The following PRKAG1 variants were observed in gnomAD, a reference collection of about 807,000 sequenced individuals.
The protein encoded by PRKAG1 is 5'-AMP-activated protein kinase subunit gamma-1.
PRKAG1 carries 27 observed loss-of-function variants against 48.2 expected under a neutral mutation model. The ratio of observed to expected loss-of-function variants is 0.56; its 90% CI spans 0.41 to 0.77. The LOEUF (loss-of-function observed/expected upper bound fraction) is 0.77. Ranked by LOEUF, PRKAG1 falls within the 30% of genes least tolerant of loss-of-function variation. The pLI is 0.00. For synonymous variants in PRKAG1, 130 were observed against 147.7 expected, an observed-to-expected ratio of 0.88 and a Z score of 0.87; for missense variants, 287 against 398.3, an observed-to-expected ratio of 0.72 and a Z score of 2.38.
At chr12:49,014,587 G>T (rs1941895630) in intron 1 of PRKAG1, among the ~76,000 whole-genome samples, 1 of 152,252 alleles carries the variant, frequency 6.6e-6, no homozygotes, top group South Asian at 2.1e-4. Context: ...CAACTGGGGA[G>T]GATCCCAGTA....
Position 49,007,974 on chromosome 12 carries a change from C to T in PRKAG1, c.59-2122G>A, listed in dbSNP as rs527510272. On this transcript the variant is annotated intron_variant, in intron 2 of 11. Transcript: ENST00000548065. ...TTCCAGGTTCAAGCGATTCTCCTGC[C>T]TCAGCCTCGCAAGTAGCTGGGGTTA... Among the ~76,000 whole-genome samples, 42 of 152,006 alleles carry T rather than the reference C, an allele frequency of 2.8e-4. No homozygotes were observed. In the Middle Eastern group the frequency reaches 0.01, roughly 37 times the overall value.
At chr12:49,014,912 T>C (rs1312509632) in intron 1 of PRKAG1, among the ~76,000 whole-genome samples, 1 of 152,250 alleles carries the variant, frequency 6.6e-6, no homozygotes, top group East Asian at 1.9e-4. Context: ...CCATTTTCTC[T>C]GGGTGATATC....
rs1452682535 is a variant in PRKAG1, at chr12:49,002,993, A to G, written c.902T>C (p.Val301Ala). 2 of 1,614,038 alleles carry G rather than the reference A, an allele frequency of 1.2e-6. No homozygotes were observed. The highest frequency in any genetic ancestry group is 1.1e-5 in the South Asian group (1 of 91,090). Residue 301 changes from valine to alanine, a missense_variant, in exon 12 of 12, where the codon GTA becomes GCA. Val to Ala is a moderately conservative substitution (Grantham distance 64). Coordinates refer to ENST00000548065, the MANE Select transcript of PRKAG1 (RefSeq NM_002733.5). ...GACCACATCATTTTCATCCACCACT[A>G]CAAGTCGGTGAACCTGGCACAGAGC... The part of the protein sequence containing the change: ...RLVEAEVHRL[V>A]VVDENDVVKG...
intron 2 of PRKAG1, among the ~76,000 whole-genome samples, chr12:49,007,191 G>T (rs1271348790): frequency 6.6e-6 from 1 of 151,780 alleles, no homozygotes; most frequent in Non-Finnish European, 1.5e-5. Flanking sequence ...GGGGGCTGAG[G>T]CAGGAGAATT....
chr12:49,018,408 C>T (rs1942091246), intron 1 of PRKAG1: 1 of 1,232,212 alleles, frequency 8.1e-7, no homozygotes, highest in Non-Finnish European at 1.0e-6. Context: ...GCTCTCAAAC[C>T]TCTAAAAGGG....
chr12:49,015,756 T>C (rs1280023192), intron 1 of PRKAG1, among the ~76,000 whole-genome samples: 1 of 152,088 alleles, frequency 6.6e-6, no homozygotes, highest in African/African-American at 2.4e-5. Context: ...TTTTGTATTT[T>C]TAGTAGAGAC....
intron 7 of PRKAG1, 145 bp downstream of exon 7, chr12:49,004,819 G>GAC (rs1941461587): frequency 4.3e-6 from 2 of 461,472 alleles, no homozygotes; most frequent in Non-Finnish European, 7.6e-6. Flanking sequence ...GAGACTGTGT[G>GAC]TGTGTGTGTG....
intron 1 of PRKAG1, among the ~76,000 whole-genome samples, chr12:49,014,839 G>C (rs2137681793): frequency 6.6e-6 from 1 of 152,338 alleles, no homozygotes; most frequent in East Asian, 1.9e-4. Context: ...AAATGCCATT[G>C]TTATTTAGGA....
At chr12:49,004,694 T>TCCATAC (rs1941446775) in intron 7 of PRKAG1, 61 bp from the exon 8 acceptor site, 1 of 1,608,856 alleles carries the variant, frequency 6.2e-7, no homozygotes, top group African/African-American at 1.3e-5. Flanking sequence ...ATTAAACAGG[T>TCCATAC]CCATACAGTG....
In PRKAG1 at chr12:49,002,918, C is replaced by T; in HGVS notation, c.977G>A (p.Gly326Asp). ...CCCAGCTCAGGGCTTCTTCTCTCCA[C>T]CTGTGAGCACCAGGGCCTGCAGGAT... ...SDILQALVLT[G>D]GEKKP Residue 326 changes from glycine to aspartate, a missense_variant, in exon 12 of 12, where the codon GGT becomes GAT. Around this residue, in one of 2 missense-constraint regions of PRKAG1, gnomAD observed 224 missense variants for 344.3 expected, o/e 0.65. Transcript: ENST00000548065. 6.2e-7 allele frequency: 1 copy of T among 1,614,176 alleles called. No individual in the cohort carries two copies. The highest frequency in any genetic ancestry group is 1.3e-5 in the African/African-American group (1 of 75,056).
rs1251315140 is a variant in PRKAG1 at position 49,007,264 on chromosome 12, G to GCGACAGA, written c.59-1419_59-1413dup. Among the ~76,000 whole-genome samples the GCGACAGA allele has an allele frequency of 2.0e-5, 3 of 149,900 alleles. No individual in the cohort carries two copies. In the East Asian group the frequency reaches 5.9e-4, roughly 29 times the overall value. On this transcript the variant is annotated intron_variant, in intron 2 of 11. Transcript: ENST00000548065. ...ATTGTGCCTCTGCACTCCAGCCTGG[G>GCGACAGA]CGACAGAGTGAGACTCCGTCTCAAA...
At chr12:49,018,214 C>T (rs1035837917) in intron 1 of PRKAG1, 1 of 159,626 alleles carries the variant, frequency 6.3e-6, no homozygotes, top group African/African-American at 2.4e-5. Flanking sequence ...TCAAGCAAAC[C>T]TCAATTCTCG....
At chr12:49,018,015 G>A (rs1178633759) in intron 1 of PRKAG1, 1 of 152,202 alleles carries the variant, frequency 6.6e-6, no homozygotes, top group Non-Finnish European at 1.5e-5. Flanking sequence ...TGAGAGTGAG[G>A]GTGGGTGCAA....
chr12:49,005,681 T>A lies in PRKAG1; in HGVS notation c.168+62A>T, dbSNP rs559919544. On this transcript the variant is annotated intron_variant, in intron 3 of 11. Transcript: ENST00000548065. This position sits in a 1 kb window ranked among gnomAD's most constrained non-coding sequence, Gnocchi z 4.1. ...TAAGGATATTACCCTTAGGATGAGATAGGATGAGAGGTATTAAACCACAGG... is the reference window on the plus strand; with the variant it reads ...TAAGGATATTACCCTTAGGATGAGAAAGGATGAGAGGTATTAAACCACAGG... The A allele has an allele frequency of 6.2e-7, 1 of 1,607,658 alleles. No homozygotes were observed. Among genetic ancestry groups the A allele is most frequent in the South Asian group, 1.1e-5 (1 of 90,744 alleles).
At chr12:49,007,076 G>A (rs1213031220) in intron 2 of PRKAG1, among the ~76,000 whole-genome samples, 1 of 152,134 alleles carries the variant, frequency 6.6e-6, no homozygotes, top group Non-Finnish European at 1.5e-5. Context: ...CCTGAGGTCA[G>A]AAGTTTGAGA....
At chr12:49,018,477 G>A (rs2137694086) in intron 1 of PRKAG1, 7 of 1,361,456 alleles carry the variant, frequency 5.1e-6, no homozygotes, top group Non-Finnish European at 6.6e-6. Context: ...GGGCCCCAAG[G>A]AGGGAGCCAG....
At chr12:49,014,326 T>C (rs778718907) in intron 1 of PRKAG1, among the ~76,000 whole-genome samples, 1 of 152,260 alleles carries the variant, frequency 6.6e-6, no homozygotes, top group Non-Finnish European at 1.5e-5. Context: ...GAACGAGCAT[T>C]ATCTGCAAAG....
chr12:49,004,813 C>T (rs971949280), intron 7 of PRKAG1, 151 bp downstream of exon 7: 10 of 714,340 alleles, frequency 1.4e-5, no homozygotes, highest in African/African-American at 4.1e-5. Context: ...GAGAGAGAGA[C>T]TGTGTGTGTG....
chr12:49,014,552 TAGCTCCATGGCAG>T (rs1425488428), intron 1 of PRKAG1, among the ~76,000 whole-genome samples: 3 of 152,218 alleles, frequency 2.0e-5, no homozygotes, highest in African/African-American at 7.2e-5. Context: ...CACCATTGTC[TAGCTCCATGGCAG>T]AGAGAGAGCC....
Sources: gnomAD v4.1 joint callset for allele counts (sites outside exome capture counted in the v4.1 genomes callset) on GRCh38, gnomAD v4.1.1 for gene constraint, gnomAD v4.1.1 regional missense constraint, Gnocchi (gnomAD v3.1) non-coding constraint, MANE v1.5 for transcripts, NCBI Gene and HGNC (gene_info 2026-07-23, HGNC 2026-07-21) for gene names.